CEP63: variants seen among roughly 807,000 people sequenced by gnomAD.
The protein encoded by CEP63 is centrosomal protein of 63 kDa.
A neutral mutation model predicts 89.1 loss-of-function variants in CEP63; 84 were observed. The observed-to-expected ratio is 0.94, with a 90% CI of 0.79 to 1.13. The LOEUF is 1.13. Ranked by LOEUF, CEP63 falls within the 50% of genes most tolerant of loss-of-function variation. The pLI is 0.00. For missense variants in CEP63, 838 were observed against 813.3 expected, an observed-to-expected ratio of 1.03 and a Z score of -0.37; for synonymous variants, 267 against 272.5, an observed-to-expected ratio of 0.98 and a Z score of 0.20.
chr3:134,598,496 G>A, the CEP63 span, among the ~76,000 whole-genome samples: 1 of 152,216 alleles, frequency 6.6e-6, no homozygotes, highest in Non-Finnish European at 1.5e-5. Flanking sequence ...GTCCTAGTGT[G>A]ATAAGAATAT....
chr3:134,612,516 T>A, the CEP63 span, among the ~76,000 whole-genome samples: 1 of 151,902 alleles, frequency 6.6e-6, no homozygotes, highest in East Asian at 1.9e-4. Context: ...GTGTTTATAG[T>A]CTGAGAGGAA....
the CEP63 span, among the ~76,000 whole-genome samples, chr3:134,689,366 A>G: frequency 1.3e-5 from 2 of 152,206 alleles, no homozygotes; most frequent in African/African-American, 2.4e-5. Flanking sequence ...CCAGAAGGCA[A>G]TTGAGTCACA....
At chr3:134,570,804 G>A (rs549327567) in intron 11 of CEP63, among the ~76,000 whole-genome samples, 25 of 152,192 alleles carry the variant, frequency 1.6e-4, no homozygotes, top group Non-Finnish European at 2.4e-4. Flanking sequence ...GAGACTGGGC[G>A]ATTTACAGAA....
At chr3:134,693,885 T>C in the CEP63 span, among the ~76,000 whole-genome samples, 4 of 152,178 alleles carry the variant, frequency 2.6e-5, no homozygotes, top group African/African-American at 7.2e-5. Flanking sequence ...GTCCATGTCT[T>C]CCTGGCGGTG....
chr3:134,764,152 C>T, the CEP63 span, among the ~76,000 whole-genome samples: 47 of 152,274 alleles, frequency 3.1e-4, no homozygotes, highest in Non-Finnish European at 5.1e-4. Context: ...CAGTTTGCCT[C>T]AATGCCAAGT....
At chr3:134,619,566 C>T in the CEP63 span, among the ~76,000 whole-genome samples, 1 of 152,252 alleles carries the variant, frequency 6.6e-6, no homozygotes, top group African/African-American at 2.4e-5. Flanking sequence ...ATCCCCACCA[C>T]ACAGCTCTGC....
At chr3:134,537,058 C>T in intron 5 of CEP63, 97 bp from the exon 6 acceptor site, 6 of 810,758 alleles carry the variant, frequency 7.4e-6, no homozygotes, top group Admixed American at 1.7e-5. Flanking sequence ...CAAGCGTACC[C>T]AGGGACATGG....
intron 3 of CEP63, among the ~76,000 whole-genome samples, chr3:134,516,491 G>T (rs556757462): frequency 7.9e-5 from 12 of 152,240 alleles, no homozygotes; most frequent in African/African-American, 2.9e-4. Context: ...TACGGGTGTC[G>T]GGCTGGGGGA....
chr3:134,561,616 AC>A lies in CEP63; in HGVS notation c.*82del. ...CATCTGAAGTAGCAGCTCTTTAAAAACATGAAGAGATAAAATTATAAAAATG... is the reference window on the plus strand; with the variant it reads ...CATCTGAAGTAGCAGCTCTTTAAAAAATGAAGAGATAAAATTATAAAAATG... On this transcript the variant is annotated 3_prime_UTR_variant, in exon 15 of 15. Transcript: ENST00000675561. 1 of 1,540,096 alleles carries A rather than the reference AC, an allele frequency of 6.5e-7. No homozygotes were observed. Among genetic ancestry groups the A allele is most frequent in the Non-Finnish European group, 8.7e-7 (1 of 1,143,454 alleles).
chr3:134,721,160 T>C, the CEP63 span, among the ~76,000 whole-genome samples: 5 of 152,162 alleles, frequency 3.3e-5, no homozygotes, highest in Admixed American at 1.3e-4. Context: ...TACTTTGTAG[T>C]TGTCAGCATA....
At chr3:134,660,845 G>T in the CEP63 span, among the ~76,000 whole-genome samples, 1 of 152,174 alleles carries the variant, frequency 6.6e-6, no homozygotes, top group South Asian at 2.1e-4. Context: ...TTTTCCTTCT[G>T]TATGGCCTCT....
the CEP63 span, chr3:134,610,157 C>T: frequency 5.1e-6 from 8 of 1,583,994 alleles, no homozygotes; most frequent in African/African-American, 6.7e-5. Context: ...TCCACTTCCA[C>T]CTGCCAGACG....
chr3:134,746,639 C>CT, the CEP63 span, among the ~76,000 whole-genome samples: 1 of 152,184 alleles, frequency 6.6e-6, no homozygotes, highest in Non-Finnish European at 1.5e-5. Flanking sequence ...TGGTAGGTAT[C>CT]TCATTGTGGT....
chr3:134,768,990 A>T, the CEP63 span, among the ~76,000 whole-genome samples: 2 of 152,180 alleles, frequency 1.3e-5, no homozygotes, highest in Non-Finnish European at 2.9e-5. Context: ...TCCAGCTGAC[A>T]TCTAGCAAGG....
the CEP63 span, among the ~76,000 whole-genome samples, chr3:134,673,041 C>A: frequency 6.6e-6 from 1 of 152,212 alleles, no homozygotes; most frequent in Admixed American, 6.5e-5. Flanking sequence ...CTTCATAGTA[C>A]TTCCACCCCT....
downstream of CEP63, among the ~76,000 whole-genome samples, chr3:134,590,492 A>T (rs2107686119): frequency 1.3e-5 from 2 of 152,350 alleles, no homozygotes; most frequent in East Asian, 3.9e-4. Flanking sequence ...CTAATAAAAG[A>T]TGTTCAAGAC....
chr3:134,610,089 C>T, the CEP63 span: 2 of 1,262,384 alleles, frequency 1.6e-6, no homozygotes, highest in South Asian at 1.4e-5. Context: ...CCTCCTGGCT[C>T]TCCTTCCCCT....
At chr3:134,651,718 C>T in the CEP63 span, 4 of 667,156 alleles carry the variant, frequency 6.0e-6, no homozygotes, top group African/African-American at 1.9e-5. Flanking sequence ...AGTCTCGGTT[C>T]GTTCTAGAAG....
At chr3:134,748,549 T>A in the CEP63 span, among the ~76,000 whole-genome samples, 3 of 152,054 alleles carry the variant, frequency 2.0e-5, no homozygotes, top group Non-Finnish European at 4.4e-5. Flanking sequence ...CATGCCATCA[T>A]GAGCATGGGT....
Sources: allele counts gnomAD v4.1 joint callset (sites outside exome capture counted in the v4.1 genomes callset), GRCh38; gene constraint gnomAD v4.1.1; transcripts MANE v1.5; gene names NCBI Gene and HGNC (gene_info 2026-07-23, HGNC 2026-07-21).